The following UROS variants were observed in gnomAD, a reference collection of about 807,000 sequenced individuals.
The protein encoded by UROS is uroporphyrinogen-III synthase.
A neutral mutation model predicts 33.0 loss-of-function variants in UROS; 18 were observed. The ratio of observed to expected loss-of-function variants is 0.55; its 90% CI spans 0.38 to 0.81. The LOEUF is 0.81. Among genes scored for constraint, UROS ranks in the 30% least tolerant of loss-of-function variants. The pLI is 0.00. For missense variants in UROS, 293 were observed against 314.9 expected, an observed-to-expected ratio of 0.93 and a Z score of 0.53; for synonymous variants, 114 against 121.1, an observed-to-expected ratio of 0.94 and a Z score of 0.38.
chr10:125,803,418 G>A (rs912862239), intron 6 of UROS, among the ~76,000 whole-genome samples: 38 of 152,328 alleles, frequency 2.5e-4, no homozygotes, highest in African/African-American at 7.2e-4. Flanking sequence ...GTGGGAAGAC[G>A]GCTCCTTCAA....
chr10:125,803,122 T>C (rs372714048), intron 6 of UROS: 2 of 1,562,376 alleles, frequency 1.3e-6, no homozygotes. Flanking sequence ...AGTCAGCCAG[T>C]CCTAGGCTTG....
intron 4 of UROS, among the ~76,000 whole-genome samples, chr10:125,813,178 T>G (rs1011091758): frequency 6.6e-6 from 1 of 152,206 alleles, no homozygotes; most frequent in Non-Finnish European, 1.5e-5. Context: ...GAGTGAGCAC[T>G]GGGTGGAGTC....
intron 6 of UROS, chr10:125,802,692 T>C (rs1851945015): frequency 1.5e-6 from 2 of 1,320,190 alleles, no homozygotes; most frequent in Non-Finnish European, 1.9e-6. Context: ...CTCACAGTGC[T>C]GGCTCATGAA....
At chr10:125,786,003 TG>T (rs1210593933), downstream of UROS, among the ~76,000 whole-genome samples, 8 of 152,318 alleles carry the variant, frequency 5.3e-5, no homozygotes, top group Middle Eastern at 3.4e-3. Context: ...CCCAGCCTGC[TG>T]GGGCGTTACT....
intron 6 of UROS, chr10:125,803,151 T>G (rs572386388): frequency 1.5e-6 from 2 of 1,318,190 alleles, no homozygotes; most frequent in South Asian, 1.3e-5. Flanking sequence ...CCTACCACTA[T>G]TAGCTCTGTT....
intron 4 of UROS, 86 bp downstream of exon 4, chr10:125,814,948 G>A (rs1223000052): frequency 6.9e-7 from 1 of 1,447,672 alleles, no homozygotes; most frequent in African/African-American, 1.4e-5. Flanking sequence ...TCTTAGAAGT[G>A]CAGCTGCTTC....
At chr10:125,802,447 C>T (rs1851924850) in intron 6 of UROS, 4 of 986,644 alleles carry the variant, frequency 4.1e-6, no homozygotes, top group Middle Eastern at 1.0e-3. Flanking sequence ...CCACAGAAAG[C>T]AACACGTTGG....
chr10:125,797,158 C>T (rs1851434540), intron 7 of UROS, among the ~76,000 whole-genome samples: 1 of 152,126 alleles, frequency 6.6e-6, no homozygotes, highest in Non-Finnish European at 1.5e-5. Flanking sequence ...CGATCTAGCT[C>T]CATTTTAATA....
At chr10:125,796,079 G>C in intron 8 of UROS, 24 bp downstream of exon 8, 1 of 1,613,170 alleles carries the variant, frequency 6.2e-7, no homozygotes, top group East Asian at 2.2e-5. Flanking sequence ...CACCCTGCCA[G>C]AACCGCCCCC....
At chr10:125,795,619 G>A (rs1851288094) in intron 8 of UROS, among the ~76,000 whole-genome samples, 1 of 152,090 alleles carries the variant, frequency 6.6e-6, no homozygotes, top group South Asian at 2.1e-4. Context: ...TTCCCACTAT[G>A]GGCTCAGCCT....
chr10:125,800,467 CTCA>C (rs1287214611), intron 6 of UROS, among the ~76,000 whole-genome samples: 3 of 152,196 alleles, frequency 2.0e-5, no homozygotes, highest in South Asian at 4.1e-4. Context: ...GGAGCCTGGC[CTCA>C]TCAGCTCATG....
intron 4 of UROS, among the ~76,000 whole-genome samples, chr10:125,813,224 C>A (rs1037027533): frequency 6.6e-6 from 1 of 152,194 alleles, no homozygotes; most frequent in Non-Finnish European, 1.5e-5. Flanking sequence ...TGCCCCTTAA[C>A]GTGTGTGTCC....
chr10:125,813,188 C>A (rs1397573010), intron 4 of UROS, among the ~76,000 whole-genome samples: 1 of 152,184 alleles, frequency 6.6e-6, no homozygotes, highest in African/African-American at 2.4e-5. Flanking sequence ...TGGGTGGAGT[C>A]AGAAAGCCTT....
chr10:125,818,765 G>T (rs1853589625), intron 1 of UROS, among the ~76,000 whole-genome samples: 1 of 152,172 alleles, frequency 6.6e-6, no homozygotes, highest in African/African-American at 2.4e-5. Flanking sequence ...AAGGGGCTGT[G>T]AGCCTCTCCA....
downstream of UROS, chr10:125,785,048 T>C (rs191303381): frequency 5.3e-4 from 81 of 152,358 alleles, no homozygotes; most frequent in African/African-American, 1.8e-3. Context: ...ACCAATTCAC[T>C]TGATTATTTT....
At chr10:125,804,937 G>A (rs1202441338) in intron 6 of UROS, among the ~76,000 whole-genome samples, 2 of 152,174 alleles carry the variant, frequency 1.3e-5, no homozygotes, top group African/African-American at 4.8e-5. Context: ...CAGTCCCAAC[G>A]CCCTGCAAAG....
chr10:125,787,846 A>C (rs895259615), downstream of UROS, among the ~76,000 whole-genome samples: 27 of 152,286 alleles, frequency 1.8e-4, no homozygotes, highest in African/African-American at 6.3e-4. Flanking sequence ...ACTAGTGTGA[A>C]TCTCCTACGA....
At chr10:125,796,277 C>A in intron 7 of UROS, 89 bp from the exon 8 acceptor site, 1 of 1,282,152 alleles carries the variant, frequency 7.8e-7, no homozygotes, top group Non-Finnish European at 1.1e-6. Context: ...GTGAAACCTC[C>A]CAATACAGCA....
At chr10:125,819,770 A>T (rs531909086) in intron 1 of UROS, 1 of 153,224 alleles carries the variant, frequency 6.5e-6, no homozygotes, top group South Asian at 2.1e-4. Context: ...TCCAATGAAA[A>T]TAACGAAACC....
Sources: allele counts gnomAD v4.1 joint callset (sites outside exome capture counted in the v4.1 genomes callset), GRCh38; gene constraint gnomAD v4.1.1; transcripts MANE v1.5; gene names NCBI Gene and HGNC (gene_info 2026-07-23, HGNC 2026-07-21).